BRINP3: variants seen among roughly 807,000 people sequenced by gnomAD.
The protein encoded by BRINP3 is BMP/retinoic acid inducible neural specific 3.
BRINP3 carries 19 observed loss-of-function variants against 71.0 expected under a neutral mutation model. The ratio of observed to expected loss-of-function variants is 0.27; its 90% CI spans 0.19 to 0.39. The LOEUF (loss-of-function observed/expected upper bound fraction) is 0.39, where lower values mean the gene tolerates loss of function less well. Ranked by LOEUF, BRINP3 falls within the 10% of genes least tolerant of loss-of-function variation. The pLI is 1.00. For missense variants in BRINP3, 959 were observed against 940.8 expected (o/e 1.02, Z -0.25); for synonymous variants, 380 against 337.7 (o/e 1.13, Z -1.37).
chr1:190,124,539 T>G (rs984667936), intron 7 of BRINP3, among the ~76,000 whole-genome samples: 1 of 152,112 alleles, frequency 6.6e-6, no homozygotes. Flanking sequence ...AACAAATACT[T>G]ATTAATAAAA....
chr1:190,421,681 T>G (rs115584307), intron 2 of BRINP3, among the ~76,000 whole-genome samples: 1 of 151,736 alleles, frequency 6.6e-6, no homozygotes, highest in East Asian at 1.9e-4. Flanking sequence ...ATAGATAGAT[T>G]TGAATCCAGG....
intron 3 of BRINP3, among the ~76,000 whole-genome samples, chr1:190,274,908 T>C (rs1223497262): frequency 1.3e-5 from 2 of 151,588 alleles, no homozygotes; most frequent in Admixed American, 1.3e-4. Context: ...AGTTAAGAAA[T>C]AGACATGTTG....
chr1:190,266,649 A>C (rs1661688736), intron 3 of BRINP3, among the ~76,000 whole-genome samples: 1 of 152,182 alleles, frequency 6.6e-6, no homozygotes, highest in Non-Finnish European at 1.5e-5. Context: ...CTCCAAGAAA[A>C]AGATCAACAG....
intron 1 of BRINP3, among the ~76,000 whole-genome samples, chr1:190,471,098 T>C (rs982835168): frequency 2.6e-5 from 4 of 151,180 alleles, no homozygotes; most frequent in Admixed American, 2.0e-4. Context: ...CTTGCTAGCT[T>C]ATATTTATGC....
chr1:190,289,157 A>C (rs1663663039), intron 2 of BRINP3, among the ~76,000 whole-genome samples: 1 of 151,946 alleles, frequency 6.6e-6, no homozygotes, highest in Non-Finnish European at 1.5e-5. Context: ...TTTTTTAAAG[A>C]ATAACTGCAT....
intron 2 of BRINP3, among the ~76,000 whole-genome samples, chr1:190,304,815 G>A (rs779517221): frequency 4.6e-5 from 7 of 151,858 alleles, no homozygotes; most frequent in Non-Finnish European, 8.8e-5. Flanking sequence ...TTCCGACAAA[G>A]TGAAGAGACA....
intron 1 of BRINP3, among the ~76,000 whole-genome samples, chr1:190,460,503 T>C (rs1048128271): frequency 2.0e-5 from 3 of 152,162 alleles, no homozygotes; most frequent in Admixed American, 6.5e-5. Flanking sequence ...AATTCCAATT[T>C]GGTAGAAGTA....
intron 7 of BRINP3, among the ~76,000 whole-genome samples, chr1:190,147,047 A>G (rs931087216): frequency 5.9e-5 from 9 of 151,884 alleles, no homozygotes; most frequent in Admixed American, 3.9e-4. Context: ...CTTTTCTGTT[A>G]TATTTTCTTA....
chr1:190,414,284 G>GT (rs891586711), intron 2 of BRINP3, among the ~76,000 whole-genome samples: 7 of 151,382 alleles, frequency 4.6e-5, no homozygotes, highest in South Asian at 2.1e-4. Context: ...CTCTGGTGCA[G>GT]TTTTTTTTAA....
chr1:190,468,040 A>G (rs1461305638), intron 1 of BRINP3, among the ~76,000 whole-genome samples: 1 of 151,394 alleles, frequency 6.6e-6, no homozygotes, highest in Admixed American at 6.6e-5. Flanking sequence ...CTTCTGAACA[A>G]TAATTACAGC....
At chr1:190,183,611 T>C (rs562571070) in intron 6 of BRINP3, among the ~76,000 whole-genome samples, 28 of 152,250 alleles carry the variant, frequency 1.8e-4, no homozygotes, top group African/African-American at 6.5e-4. Context: ...TAATGGGGGA[T>C]GGATGCCTCA....
intron 7 of BRINP3, among the ~76,000 whole-genome samples, chr1:190,146,011 T>G (rs1655857452): frequency 6.6e-6 from 1 of 152,044 alleles, no homozygotes; most frequent in Admixed American, 6.6e-5. Context: ...TATAAGGACT[T>G]AAAGGCATAA....
intron 4 of BRINP3, among the ~76,000 whole-genome samples, chr1:190,255,106 G>C (rs987874630): frequency 6.6e-6 from 1 of 151,622 alleles, no homozygotes; most frequent in East Asian, 2.0e-4. Context: ...AACCAGCCTT[G>C]CATCCCAGGG....
intron 1 of BRINP3, among the ~76,000 whole-genome samples, chr1:190,462,072 C>T (rs1159239556): frequency 6.6e-6 from 1 of 151,934 alleles, no homozygotes; most frequent in Non-Finnish European, 1.5e-5. Context: ...ACCATCATTC[C>T]CAGCTAATTT....
chr1:190,476,247 A>G (rs1677492967), intron 1 of BRINP3, among the ~76,000 whole-genome samples: 1 of 33,778 alleles, frequency 3.0e-5, no homozygotes, highest in Non-Finnish European at 8.1e-5. Flanking sequence ...TATTTCCCAG[A>G]AATTAAAAAA....
chr1:190,132,419 T>C (rs940103156), intron 7 of BRINP3, among the ~76,000 whole-genome samples: 12 of 152,104 alleles, frequency 7.9e-5, no homozygotes, highest in African/African-American at 2.4e-4. Context: ...ATTTGTATTA[T>C]ATTGGGTTGT....
chr1:190,452,154 T>A (rs1048402427), intron 2 of BRINP3, among the ~76,000 whole-genome samples: 1 of 152,206 alleles, frequency 6.6e-6, no homozygotes, highest in African/African-American at 2.4e-5. Flanking sequence ...TGGCAAACAT[T>A]AATGAAAAGT....
At chr1:190,427,156 G>A (rs1263609596) in intron 2 of BRINP3, among the ~76,000 whole-genome samples, 1 of 151,772 alleles carries the variant, frequency 6.6e-6, no homozygotes, top group East Asian at 1.9e-4. Flanking sequence ...TAATTTCTAT[G>A]GGTATGAAAA....
chr1:190,142,021 TA>T (rs1268517384), intron 7 of BRINP3, among the ~76,000 whole-genome samples: 1 of 152,028 alleles, frequency 6.6e-6, no homozygotes, highest in Non-Finnish European at 1.5e-5. Context: ...ATATATAAAA[TA>T]AAAAGACTCT....
Sources: gnomAD v4.1 joint callset for allele counts (sites outside exome capture counted in the v4.1 genomes callset) on GRCh38, gnomAD v4.1.1 for gene constraint, MANE v1.5 for transcripts, NCBI Gene and HGNC (gene_info 2026-07-23, HGNC 2026-07-21) for gene names.